Variants in MCF2L observed in about 807,000 individuals in gnomAD.
MCF2L encodes the protein MCF.2 cell line derived transforming sequence like, also known as guanine nucleotide exchange factor DBS.
A neutral mutation model predicts 153.4 loss-of-function variants in MCF2L; 97 were observed. The ratio of observed to expected loss-of-function variants is 0.63; its 90% CI spans 0.54 to 0.75. MCF2L has a LOEUF of 0.75. Among genes scored for constraint, MCF2L ranks in the 30% least tolerant of loss-of-function variants. The pLI, the probability that MCF2L is intolerant of heterozygous loss-of-function variation, is 0.00. For missense variants in MCF2L, 1,347 were observed against 1,495.2 expected (o/e 0.90, Z 1.64); for synonymous variants, 659 against 632.2 (o/e 1.04, Z -0.64).
At chr13:113,044,847 G>T in intron 3 of MCF2L, 1 of 1,612,916 alleles carries the variant, frequency 6.2e-7, no homozygotes, top group Non-Finnish European at 8.5e-7. Context: ...AATCCTTAAC[G>T]TGGACCAGCA....
intron 4 of MCF2L, among the ~76,000 whole-genome samples, chr13:113,051,556 T>C (rs2087329663): frequency 6.6e-6 from 1 of 152,150 alleles, no homozygotes; most frequent in African/African-American, 2.4e-5. Flanking sequence ...ACTGTGTATT[T>C]CCTGGAACAT....
At chr13:113,033,429 T>TTAGTG (rs1566773780) in intron 3 of MCF2L, among the ~76,000 whole-genome samples, 2,306 of 126,478 alleles carry the variant, frequency 0.018, 218 homozygotes, top group East Asian at 0.054. Flanking sequence ...GTGGCCCCCA[T>TTAGTG]GATGTGAGTG....
intron 5 of MCF2L, among the ~76,000 whole-genome samples, chr13:113,063,031 C>A (rs943690499): frequency 4.6e-5 from 7 of 152,224 alleles, no homozygotes; most frequent in African/African-American, 1.7e-4. Flanking sequence ...CCCATCAGAG[C>A]ACTGTTTGAT....
At chr13:112,968,153 G>GGGGC (rs1594400516), upstream of MCF2L, among the ~76,000 whole-genome samples, 1 of 132,786 alleles carries the variant, frequency 7.5e-6, no homozygotes, top group African/African-American at 2.6e-5. Context: ...GGGGGGGGGG[G>GGGGC]TCTTGCTACA....
chr13:113,012,146 G>T (rs1449700225), intron 1 of MCF2L, among the ~76,000 whole-genome samples: 5 of 102,200 alleles, frequency 4.9e-5, no homozygotes, highest in East Asian at 3.3e-4. Context: ...CAGTGTGGAC[G>T]GTGGACACTG....
At chr13:113,066,483 C>T (rs1379418145) in intron 8 of MCF2L, among the ~76,000 whole-genome samples, 1 of 152,206 alleles carries the variant, frequency 6.6e-6, no homozygotes, top group Non-Finnish European at 1.5e-5. Context: ...GTGCCTTAGA[C>T]CTGGGGCTTC....
At chr13:113,011,224 C>T (rs533759716) in intron 1 of MCF2L, among the ~76,000 whole-genome samples, 2 of 152,284 alleles carry the variant, frequency 1.3e-5, no homozygotes, top group East Asian at 1.9e-4. Context: ...TCAGATGTAG[C>T]GATATTTTAG....
At chr13:113,061,194 G>A (rs2031349196) in intron 5 of MCF2L, among the ~76,000 whole-genome samples, 1 of 152,122 alleles carries the variant, frequency 6.6e-6, no homozygotes, top group Admixed American at 6.5e-5. Context: ...CTGTCCTGGA[G>A]CAGCCAACAG....
At chr13:112,935,909 G>A (rs184369525) in intron 2 of MCF2L, among the ~76,000 whole-genome samples, 102 of 152,280 alleles carry the variant, frequency 6.7e-4, no homozygotes, top group African/African-American at 2.3e-3. Flanking sequence ...CACAAGCAAA[G>A]GAGCACCAGG....
rs200655841 is a variant in MCF2L at position 113,065,091 on chromosome 13, T to TG, written c.756+12dup. The TG allele has an allele frequency of 2.4e-3, 3,515 of 1,460,864 alleles. 59 individuals are homozygous for TG. In the African/African-American group the frequency reaches 0.049, roughly 20 times the overall value. The allele number at this position is 1,460,864 out of a possible 1,614,324, so 90.5% of individuals were successfully genotyped here. The stretch of plus-strand genomic sequence containing the variant: ...AGAAGAAGGACAAGGCGAAGGTACA[T>TG]GGGGGGTGCTCCGGCTGGAAGCTGT... On this transcript the variant is annotated splice_region_variant and intron_variant, in intron 7 of 29. Transcript: ENST00000535094.
chr13:113,090,878 G>A (rs2035138734), intron 26 of MCF2L: 1 of 1,161,720 alleles, frequency 8.6e-7, no homozygotes, highest in Non-Finnish European at 1.1e-6. Flanking sequence ...CCTAGAGACG[G>A]GCCCCGAAAG....
intron 1 of MCF2L, chr13:113,010,024 C>G (rs530512289): frequency 1.3e-5 from 2 of 152,106 alleles, no homozygotes; most frequent in Non-Finnish European, 1.5e-5. Context: ...CACCAGTGAG[C>G]ACCAGGGACG....
chr13:113,032,999 ATG>A (rs1566771722), intron 3 of MCF2L, among the ~76,000 whole-genome samples: 1 of 141,614 alleles, frequency 7.1e-6, no homozygotes, highest in East Asian at 2.1e-4. Context: ...GGCCCCCGTG[ATG>A]TGAGTGGCCC....
rs548361139 is a variant in MCF2L at position 113,028,492 on chromosome 13, T to C, written c.278+3734T>C. ...AGACCCACTCAGCCACCTCTGTAGA[T>C]TGCGCATCTGTGAGTCGCACAGCCT... On this transcript the variant is annotated intron_variant, in intron 3 of 29. Transcript: ENST00000535094. The surrounding 1 kb of genome is among the most constrained non-coding windows in gnomAD (Gnocchi z 5.4). 6.6e-6 allele frequency among the ~76,000 whole-genome samples: 1 copy of C among 152,200 alleles called. No individual in the cohort carries two copies. Among genetic ancestry groups the C allele is most frequent in the Non-Finnish European group, 1.5e-5 (1 of 68,022 alleles).
Position 112,951,214 on chromosome 13 carries a change from A to C in MCF2L, c.169+48843A>C, listed in dbSNP as rs1371878581. On this transcript the variant is annotated intron_variant, in intron 2 of 29. Transcript: ENST00000375608. The surrounding 1 kb of genome is among the most constrained non-coding windows in gnomAD (Gnocchi z 4.8). The stretch of plus-strand genomic sequence containing the variant: ...GATAGTGCCAACTTCGAATGCTGGC[A>C]GGGATGTGGATAAACTGGGTTACTC... 6.6e-6 allele frequency among the ~76,000 whole-genome samples: 1 copy of C among 152,208 alleles called. No individual in the cohort carries two copies. The highest frequency in any genetic ancestry group is 1.5e-5 in the Non-Finnish European group (1 of 68,040).
Position 112,976,443 on chromosome 13 carries a change from T to C in MCF2L, c.79+6985T>C, listed in dbSNP as rs1179617022. Among the ~76,000 whole-genome samples the C allele has an allele frequency of 2.6e-5, 4 of 152,218 alleles. No homozygotes were observed. In the East Asian group the frequency reaches 7.7e-4, roughly 29 times the overall value. ...ATGCCTTATCTTTTAAAACGAAACT[T>C]GTCATGGACAATGAAGAGAAGCATT... On this transcript the variant is annotated intron_variant, in intron 1 of 29. Transcript: ENST00000535094.
At chr13:112,923,069 A>G (rs1052991760) in intron 2 of MCF2L, among the ~76,000 whole-genome samples, 1 of 152,200 alleles carries the variant, frequency 6.6e-6, no homozygotes, top group African/African-American at 2.4e-5. Flanking sequence ...GTACAGAACA[A>G]TGGCAAGGGT....
At chr13:112,998,135 C>T (rs551146887) in intron 1 of MCF2L, among the ~76,000 whole-genome samples, 3 of 152,342 alleles carry the variant, frequency 2.0e-5, no homozygotes, top group South Asian at 2.1e-4. Context: ...CCGTGCACAG[C>T]GCAGCTCCTA....
chr13:112,979,702 G>A (rs145120816), intron 1 of MCF2L: 37 of 1,612,786 alleles, frequency 2.3e-5, no homozygotes, highest in South Asian at 4.4e-5. Flanking sequence ...GGAACCCTGC[G>A]GCGGCTGTGG....
Sources: allele counts gnomAD v4.1 joint callset (sites outside exome capture counted in the v4.1 genomes callset), GRCh38; gene constraint gnomAD v4.1.1; non-coding constraint Gnocchi (gnomAD v3.1); transcripts MANE v1.5; gene names NCBI Gene and HGNC (gene_info 2026-07-23, HGNC 2026-07-21).